PDXP: variants seen among roughly 807,000 people sequenced by gnomAD.
The protein encoded by PDXP is chronophin.
Under a neutral mutation model 14.4 loss-of-function variants are expected in PDXP, and 15 were observed. That is an observed-to-expected ratio of 1.04 (90% CI 0.70 to 1.60). The LOEUF (loss-of-function observed/expected upper bound fraction) is 1.60, where lower values mean the gene tolerates loss of function less well. Ranked by LOEUF, PDXP falls within the 40% of genes most tolerant of loss-of-function variation. The pLI, the probability that PDXP is intolerant of heterozygous loss-of-function variation, is 0.00. For missense variants in PDXP, 413 were observed against 427.6 expected (o/e 0.97, Z 0.30); for synonymous variants, 233 against 205.6 (o/e 1.13, Z -1.14).
At chr22:37,663,497 C>T (rs1920984127) in intron 1 of PDXP, among the ~76,000 whole-genome samples, 1 of 151,852 alleles carries the variant, frequency 6.6e-6, no homozygotes, top group Admixed American at 6.6e-5. Flanking sequence ...TGCCACTGTA[C>T]CCCACTATAA....
In PDXP at chr22:37,665,903, C is replaced by T. The variant is rs766005671; in HGVS notation, c.*32C>T. ...TGCACCTGCAGCCACAGGCCCACCCCTCCCCACTCCCTGATCCCGTAGGTG... is the reference window on the plus strand; with the variant it reads ...TGCACCTGCAGCCACAGGCCCACCCTTCCCCACTCCCTGATCCCGTAGGTG... On this transcript the variant is annotated 3_prime_UTR_variant, in exon 2 of 2. Coordinates refer to ENST00000215904, the MANE Select transcript of PDXP (RefSeq NM_020315.5). The T allele has an allele frequency of 1.8e-4, 286 of 1,583,924 alleles. No homozygotes were observed. The highest frequency in any genetic ancestry group is 2.4e-4 in the Non-Finnish European group (277 of 1,157,644).
At chr22:37,663,905 C>T (rs1255148604) in intron 1 of PDXP, among the ~76,000 whole-genome samples, 1 of 145,442 alleles carries the variant, frequency 6.9e-6, no homozygotes, top group East Asian at 2.0e-4. Context: ...GCAGCTGTGC[C>T]TGGAATACGT....
chr22:37,661,917 A>ATTTTTTTTTTT lies in PDXP; in HGVS notation c.574+2593_574+2603dup, dbSNP rs763030330. On this transcript the variant is annotated intron_variant, in intron 1 of 1. Coordinates refer to ENST00000215904, the MANE Select transcript of PDXP (RefSeq NM_020315.5). ...CTTTTATTCTCTCTCTTTTTCTTTA[A>ATTTTTTTTTTT]TTTTTTTTTTTTTTTTTTTTTTTTT... is the stretch of plus-strand genomic sequence containing the variant. Among the ~76,000 whole-genome samples, 9 of 71,214 alleles carry ATTTTTTTTTTT rather than the reference A, an allele frequency of 1.3e-4. 1 individual carries two copies. Among genetic ancestry groups the ATTTTTTTTTTT allele is most frequent in the Admixed American group, 1.6e-4 (1 of 6,164 alleles). The allele number at this position is 71,214 out of a possible 152,430, so 46.7% of individuals were successfully genotyped here.
At chr22:37,661,126 G>T (rs1933193715) in intron 1 of PDXP, among the ~76,000 whole-genome samples, 1 of 152,170 alleles carries the variant, frequency 6.6e-6, no homozygotes, top group South Asian at 2.1e-4. Flanking sequence ...AGGAAGGCTG[G>T]TTGTCAAGGA....
chr22:37,659,279 T>A lies in PDXP; in HGVS notation c.497T>A (p.Leu166Gln). Reference protein sequence around the residue: ...FAKLREACAHLRDPECLLVAT... With the variant: ...FAKLREACAHQRDPECLLVAT... ...AAGCTGAGGGAGGCGTGCGCGCACC[T>A]GCGCGACCCCGAGTGCCTACTCGTG... is the stretch of plus-strand genomic sequence containing the variant. Residue 166 changes from leucine (L) to glutamine (Q), a missense_variant, in exon 1 of 2, where the codon CTG becomes CAG. Physicochemically the swap from Leu to Gln is moderately radical, Grantham distance 113. Coordinates refer to ENST00000215904, the MANE Select transcript of PDXP (RefSeq NM_020315.5). 1 of 1,317,730 alleles carries A rather than the reference T, an allele frequency of 7.6e-7. No individual in the cohort carries two copies. The highest frequency in any genetic ancestry group is 2.8e-5 in the East Asian group (1 of 35,800). The allele number at this position is 1,317,730 out of a possible 1,614,324, so 81.6% of individuals were successfully genotyped here.
intron 1 of PDXP, among the ~76,000 whole-genome samples, chr22:37,660,974 A>G (rs138083202): frequency 7.9e-5 from 12 of 152,226 alleles, no homozygotes; most frequent in African/African-American, 2.4e-4. Flanking sequence ...CAGTTTCCCT[A>G]TAAGTCTGTG....
rs894497372 is a variant in PDXP at position 37,658,779 on chromosome 22, C to A, written c.-4C>A. ...GCGCGGGAGGCCGGCGGCCGGCCGG[C>A]TGCATGGCGCGCTGCGAGAGGCTGC... On this transcript the variant is annotated 5_prime_UTR_variant, in exon 1 of 2. The change creates a new upstream start codon in the 5' untranslated region. Coordinates refer to ENST00000215904, the MANE Select transcript of PDXP (RefSeq NM_020315.5). 2.6e-6 allele frequency: 3 copies of A among 1,168,860 alleles called. No individual in the cohort carries two copies. In the African/African-American group the frequency reaches 4.9e-5, roughly 19 times the overall value. The allele number at this position is 1,168,860 out of a possible 1,614,324, so 72.4% of individuals were successfully genotyped here.
In PDXP at chr22:37,666,791, C is replaced by T. The variant is rs1383628883; in HGVS notation, c.*920C>T. ...GTGCGGTCAGTGTTTTCAGTACCAC[C>T]TCTCTCCCGTGCCCACTTGGCTATT... is the stretch of plus-strand genomic sequence containing the variant. On this transcript the variant is annotated 3_prime_UTR_variant, in exon 2 of 2. Transcript: ENST00000215904. 6.0e-6 allele frequency: 1 copy of T among 167,118 alleles called. No individual in the cohort carries two copies. The highest frequency in any genetic ancestry group is 3.1e-3 in the Middle Eastern group (1 of 318). The allele number at this position is 167,118 out of a possible 1,614,324, so 10.4% of individuals were successfully genotyped here. A position where few individuals can be genotyped will look rare whatever the true frequency, so the allele number is the denominator to read the frequency against.
Position 37,659,167 on chromosome 22 carries a change from C to G in PDXP, c.385C>G (p.Leu129Val), listed in dbSNP as rs1371155071. 8.8e-7 allele frequency: 1 copy of G among 1,131,786 alleles called. No individual in the cohort carries two copies. Among genetic ancestry groups the G allele is most frequent in the African/African-American group, 1.7e-5 (1 of 60,592 alleles). 70.1% of individuals were successfully genotyped at this position (1,131,786 alleles called of 1,614,324 possible). A position where few individuals can be genotyped will look rare whatever the true frequency, so the allele number is the denominator to read the frequency against. Reference protein sequence around the residue: ...RAELRAAGLRLAGDPSAGDGA... With the variant: ...RAELRAAGLRVAGDPSAGDGA... ...CGAGCTGCGCGCCGCGGGGCTGCGC[C>G]TGGCCGGGGACCCGAGCGCGGGGGA... Residue 129 changes from leucine to valine, a missense_variant, in exon 1 of 2, where the codon CTG (leucine) becomes GTG (valine). Coordinates refer to ENST00000215904, the MANE Select transcript of PDXP (RefSeq NM_020315.5).
At position 37,665,979 on chromosome 22, in the gene PDXP, T is replaced by C; in HGVS notation, c.*108T>C. 1.7e-6 allele frequency: 2 copies of C among 1,182,812 alleles called. No individual in the cohort carries two copies. The highest frequency in any genetic ancestry group is 2.4e-6 in the Non-Finnish European group (2 of 837,320). The allele number at this position is 1,182,812 out of a possible 1,614,324, so 73.3% of individuals were successfully genotyped here. ...AAGCACAACCGGCTCCTTGGTCCAG[T>C]TCTGCACCGGGGTGGGGCTGGGACC... On this transcript the variant is annotated 3_prime_UTR_variant, in exon 2 of 2. Coordinates refer to ENST00000215904, the MANE Select transcript of PDXP (RefSeq NM_020315.5).
Position 37,658,971 on chromosome 22 carries a change from C to T in PDXP, c.189C>T (p.Arg63=), listed in dbSNP as rs950322967. ...TGTTTGTGAGCAACAACAGCCGGCG[C>T]GCGCGGCCCGAGCTGGCCCTGCGCT... ...AALFVSNNSR[R]ARPELALRFA... The change falls in exon 1 of 2, where the codon CGC becomes CGT. Residue 63 remains arginine, a synonymous_variant. Transcript: ENST00000215904. 8.3e-7 allele frequency: 1 copy of T among 1,203,372 alleles called. No homozygotes were observed. Among genetic ancestry groups the T allele is most frequent in the Non-Finnish European group, 1.0e-6 (1 of 967,508 alleles). The allele number at this position is 1,203,372 out of a possible 1,614,324, so 74.5% of individuals were successfully genotyped here.
In PDXP at chr22:37,658,858, T is replaced by C; in HGVS notation, c.76T>C (p.Cys26Arg). 1 of 1,213,218 alleles carries C rather than the reference T, an allele frequency of 8.2e-7. No homozygotes were observed. The highest frequency in any genetic ancestry group is 1.0e-6 in the Non-Finnish European group (1 of 974,654). 75.2% of individuals were successfully genotyped at this position (1,213,218 alleles called of 1,614,324 possible). A position where few individuals can be genotyped will look rare whatever the true frequency, so the allele number is the denominator to read the frequency against. ...CCGGGCGCAGGGGGTCCTGTTCGAC[T>C]GTGACGGGGTGCTGTGGAACGGCGA... ...LGRAQGVLFD[C>R]DGVLWNGERA... is the part of the protein sequence containing the mutation. The change falls in exon 1 of 2, where the codon TGT becomes CGT. Residue 26 changes from cysteine (C) to arginine (R), a missense_variant. Cys to Arg is a radical substitution (Grantham distance 180). Transcript: ENST00000215904.
intron 1 of PDXP, chr22:37,665,249 G>C: frequency 2.3e-6 from 1 of 442,210 alleles, no homozygotes; most frequent in Admixed American, 4.0e-5. Context: ...ACCTGCAGTA[G>C]CTCCACGCAT....
In PDXP at chr22:37,665,901, C is replaced by G. The variant is rs766216071; in HGVS notation, c.*30C>G. ...ACTGCACCTGCAGCCACAGGCCCACCCCTCCCCACTCCCTGATCCCGTAGG... is the reference window on the plus strand; with the variant it reads ...ACTGCACCTGCAGCCACAGGCCCACGCCTCCCCACTCCCTGATCCCGTAGG... On this transcript the variant is annotated 3_prime_UTR_variant, in exon 2 of 2. Coordinates refer to ENST00000215904, the MANE Select transcript of PDXP (RefSeq NM_020315.5). 2 of 1,589,402 alleles carry G rather than the reference C, an allele frequency of 1.3e-6. No individual in the cohort carries two copies. The highest frequency in any genetic ancestry group is 1.7e-6 in the Non-Finnish European group (2 of 1,161,714).
At chr22:37,661,122 G>T (rs1476836235) in intron 1 of PDXP, among the ~76,000 whole-genome samples, 1 of 152,168 alleles carries the variant, frequency 6.6e-6, no homozygotes, top group Non-Finnish European at 1.5e-5. Flanking sequence ...GCTCAGGAAG[G>T]CTGGTTGTCA....
chr22:37,663,095 T>G (rs1294053327), intron 1 of PDXP, among the ~76,000 whole-genome samples: 1 of 151,506 alleles, frequency 6.6e-6, no homozygotes, highest in Non-Finnish European at 1.5e-5. Flanking sequence ...GGTCAGGAGA[T>G]CAAGACCATC....
Position 37,658,753 on chromosome 22 carries a change from G to C in PDXP, c.-30G>C. 1 of 1,130,324 alleles carries C rather than the reference G, an allele frequency of 8.8e-7. No individual in the cohort carries two copies. Among genetic ancestry groups the C allele is most frequent in the African/African-American group, 1.6e-5 (1 of 60,890 alleles). The allele number at this position is 1,130,324 out of a possible 1,614,324, so 70.0% of individuals were successfully genotyped here. A position where few individuals can be genotyped will look rare whatever the true frequency, so the allele number is the denominator to read the frequency against. On this transcript the variant is annotated 5_prime_UTR_variant, in exon 1 of 2. Coordinates refer to ENST00000215904, the MANE Select transcript of PDXP (RefSeq NM_020315.5). Reference sequence around the variant, plus strand: ...CGCGCCGTGCCCGCGGAGAGAGCGCGGCGCGGGAGGCCGGCGGCCGGCCGG... The same window carrying C: ...CGCGCCGTGCCCGCGGAGAGAGCGCCGCGCGGGAGGCCGGCGGCCGGCCGG...
chr22:37,660,518 AGG>A (rs1362855989), intron 1 of PDXP, among the ~76,000 whole-genome samples: 3 of 152,230 alleles, frequency 2.0e-5, no homozygotes, highest in Admixed American at 6.5e-5. Flanking sequence ...TCAGCCCTGC[AGG>A]GGAGGCAGAA....
chr22:37,665,785 G>A lies in PDXP; in HGVS notation c.805G>A (p.Ala269Thr), dbSNP rs1242665200. The change falls in exon 2 of 2, where the codon GCC (alanine) becomes ACC (threonine). Residue 269 changes from alanine to threonine, a missense_variant. By Grantham distance (58) the Ala-to-Thr change is moderately conservative. Transcript: ENST00000215904. The part of the protein sequence containing the change: ...TGVSRLEEAQ[A>T]YLAAGQHDLV... The stretch of plus-strand genomic sequence containing the variant: ...AGTCTCCCGCCTAGAAGAGGCCCAG[G>A]CCTACCTAGCGGCCGGCCAGCACGA... 3 of 1,613,976 alleles carry A rather than the reference G, an allele frequency of 1.9e-6. No individual in the cohort carries two copies. The highest frequency in any genetic ancestry group is 2.5e-6 in the Non-Finnish European group (3 of 1,180,050).
Sources: gnomAD v4.1 joint callset for allele counts (sites outside exome capture counted in the v4.1 genomes callset) on GRCh38, gnomAD v4.1.1 for gene constraint, MANE v1.5 for transcripts, NCBI Gene and HGNC (gene_info 2026-07-23, HGNC 2026-07-21) for gene names.